Variants in AGPS observed in about 807,000 individuals in gnomAD.
AGPS encodes alkyldihydroxyacetonephosphate synthase, peroxisomal.
AGPS carries 26 observed loss-of-function variants against 90.7 expected under a neutral mutation model. The ratio of observed to expected loss-of-function variants is 0.29; its 90% CI spans 0.21 to 0.40. AGPS has a LOEUF of 0.40. AGPS is among the 10% of genes least tolerant of loss of function. The pLI is 1.00. For missense variants in AGPS, 540 were observed against 816.1 expected (o/e 0.66, Z 4.12); for synonymous variants, 294 against 285.3 (o/e 1.03, Z -0.31).
intron 16 of AGPS, 152 bp from the exon 17 acceptor site, chr2:177,513,667 T>C (rs1287100165): frequency 1.6e-6 from 1 of 640,718 alleles, no homozygotes; most frequent in East Asian, 2.8e-5. Flanking sequence ...ATTTGAGTGA[T>C]CAGGGCTCTT....
At chr2:177,519,334 CT>C (rs1415553210) in intron 17 of AGPS, among the ~76,000 whole-genome samples, 2 of 152,094 alleles carry the variant, frequency 1.3e-5, no homozygotes, top group African/African-American at 4.8e-5. Flanking sequence ...TTAGGTATGC[CT>C]TTCCAGAACA....
intron 2 of AGPS, among the ~76,000 whole-genome samples, chr2:177,423,701 G>A (rs1685996016): frequency 6.6e-6 from 1 of 152,130 alleles, no homozygotes; most frequent in Non-Finnish European, 1.5e-5. Flanking sequence ...TCAAGCCCAG[G>A]CATTACATTG....
At chr2:177,425,020 G>A (rs1362448276) in intron 2 of AGPS, among the ~76,000 whole-genome samples, 1 of 152,162 alleles carries the variant, frequency 6.6e-6, no homozygotes, top group African/African-American at 2.4e-5. Context: ...CTCCCGTTCT[G>A]TAGGTTGTCT....
At chr2:177,498,478 A>T in intron 13 of AGPS, among the ~76,000 whole-genome samples, 1 of 148,624 alleles carries the variant, frequency 6.7e-6, no homozygotes, top group African/African-American at 2.5e-5. Flanking sequence ...TTTAATAGGG[A>T]TTTTTCTTTT....
At chr2:177,415,959 A>T (rs1469323426) in intron 1 of AGPS, among the ~76,000 whole-genome samples, 1 of 152,160 alleles carries the variant, frequency 6.6e-6, no homozygotes, top group Admixed American at 6.5e-5. Flanking sequence ...TTGGAATTTT[A>T]TCAGAAAAAC....
chr2:177,462,778 A>G (rs1017798531), intron 9 of AGPS, among the ~76,000 whole-genome samples: 1 of 152,220 alleles, frequency 6.6e-6, no homozygotes, highest in Admixed American at 6.5e-5. Flanking sequence ...GATTTAAAGC[A>G]TGTGAGAGGA....
Position 177,392,886 on chromosome 2 carries a change from C to A in AGPS, c.97C>A (p.Arg33Ser). ...CCGGGACCGGGACCCGGACCCGGAC[C>A]GCGCCGGGCGGAGGCTGCGGGTTCT... ...ADRDRDPDPD[R>S]AGRRLRVLSG... The change falls in exon 1 of 20, where the codon CGC becomes AGC. Residue 33 changes from arginine (R) to serine (S), a missense_variant. Transcript: ENST00000264167. 6.4e-7 allele frequency: 1 copy of A among 1,551,006 alleles called. No individual in the cohort carries two copies.
intron 2 of AGPS, among the ~76,000 whole-genome samples, chr2:177,422,378 G>A (rs1685966276): frequency 6.6e-6 from 1 of 152,138 alleles, no homozygotes; most frequent in African/African-American, 2.4e-5. Flanking sequence ...TATACAGGCT[G>A]TAATAGAACC....
chr2:177,432,481 G>A (rs567576523), intron 2 of AGPS, among the ~76,000 whole-genome samples: 50 of 152,264 alleles, frequency 3.3e-4, no homozygotes, highest in African/African-American at 1.1e-3. Context: ...CTTTGACTAA[G>A]CTAGGTTGCA....
At chr2:177,463,012 G>T (rs1342444589) in intron 9 of AGPS, among the ~76,000 whole-genome samples, 1 of 152,082 alleles carries the variant, frequency 6.6e-6, no homozygotes, top group Admixed American at 6.5e-5. Context: ...TGTTTCCTTA[G>T]GAGATTTTGC....
At chr2:177,520,771 T>A (rs1689163128) in intron 17 of AGPS, among the ~76,000 whole-genome samples, 2 of 152,234 alleles carry the variant, frequency 1.3e-5, no homozygotes, top group Admixed American at 6.5e-5. Flanking sequence ...TTTTAAGTAA[T>A]TTTGTTAAAT....
At chr2:177,429,568 C>T (rs1041734088) in intron 2 of AGPS, among the ~76,000 whole-genome samples, 4 of 151,998 alleles carry the variant, frequency 2.6e-5, no homozygotes, top group African/African-American at 4.8e-5. Context: ...GCCACTTTTT[C>T]GTAGGGCTGC....
intron 2 of AGPS, among the ~76,000 whole-genome samples, chr2:177,433,566 G>C (rs1313734178): frequency 6.6e-6 from 1 of 152,080 alleles, no homozygotes; most frequent in African/African-American, 2.4e-5. Context: ...TTGAATATGA[G>C]TCATACTTTC....
intron 2 of AGPS, among the ~76,000 whole-genome samples, chr2:177,427,553 G>C (rs1686119689): frequency 6.6e-6 from 1 of 152,192 alleles, no homozygotes; most frequent in South Asian, 2.1e-4. Flanking sequence ...TTGTTTCTTT[G>C]TTTTCATTAG....
intron 9 of AGPS, among the ~76,000 whole-genome samples, chr2:177,464,118 T>C (rs1687379287): frequency 6.6e-6 from 1 of 152,042 alleles, no homozygotes. Context: ...ATTTTGTATT[T>C]TTAGTAGAGA....
intron 2 of AGPS, among the ~76,000 whole-genome samples, chr2:177,427,112 T>C (rs575470844): frequency 4.3e-4 from 66 of 152,328 alleles, no homozygotes; most frequent in Non-Finnish European, 8.1e-4. Flanking sequence ...CAGGAACTTA[T>C]CCACTTTTTT....
At chr2:177,443,052 A>T (rs888442847) in intron 7 of AGPS, among the ~76,000 whole-genome samples, 2 of 152,030 alleles carry the variant, frequency 1.3e-5, no homozygotes, top group African/African-American at 2.4e-5. Flanking sequence ...ACATTTTGTC[A>T]TACTTTCTTT....
chr2:177,513,953 TG>T, intron 17 of AGPS, 45 bp downstream of exon 17: 3 of 1,452,592 alleles, frequency 2.1e-6, no homozygotes, highest in Non-Finnish European at 2.9e-6. Context: ...CTGAAAAAAA[TG>T]TTTTTTTTAA....
At chr2:177,426,544 C>G (rs114371016) in intron 2 of AGPS, among the ~76,000 whole-genome samples, 1 of 152,060 alleles carries the variant, frequency 6.6e-6, no homozygotes, top group Non-Finnish European at 1.5e-5. Flanking sequence ...ATATATGGCT[C>G]TTATTATTTT....
Sources: allele counts gnomAD v4.1 joint callset (sites outside exome capture counted in the v4.1 genomes callset), GRCh38; gene constraint gnomAD v4.1.1; transcripts MANE v1.5; gene names NCBI Gene and HGNC (gene_info 2026-07-23, HGNC 2026-07-21).